Variants in METTL25 observed in about 807,000 individuals in gnomAD.
METTL25 encodes the protein methyltransferase like 25.
Under a neutral mutation model 71.6 loss-of-function variants are expected in METTL25, and 64 were observed. The observed-to-expected ratio is 0.89, with a 90% CI of 0.73 to 1.10. The LOEUF is 1.10. Among genes scored for constraint, METTL25 ranks in the 50% least tolerant of loss-of-function variants. The probability of loss-of-function intolerance (pLI) is 0.00; values close to 1 mark genes in which losing one functional copy is unlikely to be tolerated. For missense variants in METTL25, 807 were observed against 707.0 expected (o/e 1.14, Z -1.60); for synonymous variants, 287 against 250.3 (o/e 1.15, Z -1.38).
chr12:82,406,341 C>T (rs181617436), intron 5 of METTL25, among the ~76,000 whole-genome samples: 176 of 151,924 alleles, frequency 1.2e-3, no homozygotes, highest in Admixed American at 3.0e-3. Context: ...AGTAAGTCCC[C>T]GTACCTATAT....
intron 5 of METTL25, among the ~76,000 whole-genome samples, chr12:82,428,086 GA>G (rs1265821863): frequency 6.6e-6 from 1 of 151,920 alleles, no homozygotes; most frequent in African/African-American, 2.4e-5. Flanking sequence ...ATTCCAGACA[GA>G]AAAGAAATTA....
intron 5 of METTL25, among the ~76,000 whole-genome samples, chr12:82,412,574 A>G (rs1887634348): frequency 6.6e-6 from 1 of 152,100 alleles, no homozygotes; most frequent in South Asian, 2.1e-4. Flanking sequence ...TTTCACCTAC[A>G]GTTTGTAAAA....
At chr12:82,369,480 C>T (rs780987434) in intron 1 of METTL25, 24 of 449,608 alleles carry the variant, frequency 5.3e-5, no homozygotes, top group Non-Finnish European at 4.4e-6. Flanking sequence ...GAGTTTCTTC[C>T]TTCAGATGTG....
In METTL25 at chr12:82,403,038, G is replaced by T; in HGVS notation, c.1187G>T (p.Arg396Leu). ...TCGDLAPNTL[R>L]IFTSNSEIKG... Reference sequence around the variant, plus strand: ...GGTGATCTGGCTCCAAATACTTTGCGAATATTTACCTCCAACTCTGAAATC... The same window carrying T: ...GGTGATCTGGCTCCAAATACTTTGCTAATATTTACCTCCAACTCTGAAATC... Residue 396 changes from arginine (R) to leucine (L), a missense_variant, in exon 5 of 12, where the codon CGA becomes CTA. Arg to Leu is a moderately radical substitution (Grantham distance 102). Coordinates refer to ENST00000248306, the MANE Select transcript of METTL25 (RefSeq NM_032230.3). 1 of 1,613,126 alleles carries T rather than the reference G, an allele frequency of 6.2e-7. No homozygotes were observed. The highest frequency in any genetic ancestry group is 8.5e-7 in the Non-Finnish European group (1 of 1,179,342).
intron 1 of METTL25, among the ~76,000 whole-genome samples, chr12:82,374,777 T>C (rs1323787546): frequency 6.6e-6 from 1 of 152,244 alleles, no homozygotes; most frequent in African/African-American, 2.4e-5. Flanking sequence ...GAGCAAAGTA[T>C]TAATATATTT....
chr12:82,412,990 GA>G (rs1887672195), intron 5 of METTL25, among the ~76,000 whole-genome samples: 1 of 151,810 alleles, frequency 6.6e-6, no homozygotes, highest in South Asian at 2.1e-4. Flanking sequence ...CAAATTATGT[GA>G]TTGATTATGC....
intron 5 of METTL25, among the ~76,000 whole-genome samples, chr12:82,425,758 AGTATAATTAAGAGGAT>A (rs1195297736): frequency 6.6e-6 from 1 of 152,126 alleles, no homozygotes; most frequent in Non-Finnish European, 1.5e-5. Flanking sequence ...ATGAACAGGA[AGTATAATTAAGAGGAT>A]GTATGTATAA....
At chr12:82,388,318 T>C (rs1460226135) in intron 2 of METTL25, among the ~76,000 whole-genome samples, 1 of 152,114 alleles carries the variant, frequency 6.6e-6, no homozygotes, top group African/African-American at 2.4e-5. Flanking sequence ...ATTTTAATTT[T>C]TTAAATCTCT....
chr12:82,432,641 C>G (rs527970291), intron 6 of METTL25, among the ~76,000 whole-genome samples: 1 of 151,482 alleles, frequency 6.6e-6, no homozygotes. Flanking sequence ...ATAGAATTAG[C>G]AGACCATGCT....
At chr12:82,451,607 T>A (rs1891153034) in intron 8 of METTL25, among the ~76,000 whole-genome samples, 1 of 152,180 alleles carries the variant, frequency 6.6e-6, no homozygotes, top group Non-Finnish European at 1.5e-5. Flanking sequence ...ACAATCTTTC[T>A]TCTCCGAACT....
intron 1 of METTL25, among the ~76,000 whole-genome samples, chr12:82,383,579 A>T (rs1884663592): frequency 6.6e-6 from 1 of 152,182 alleles, no homozygotes; most frequent in Admixed American, 6.5e-5. Context: ...AGTGCCTGGC[A>T]CATAGTATAC....
rs778731140 is a variant in METTL25, at chr12:82,438,831, T to C, written c.1478+40T>C. 7 of 1,468,814 alleles carry C rather than the reference T, an allele frequency of 4.8e-6. No individual in the cohort carries two copies. The South Asian group carries it at 6.9e-5, about 14-fold the overall frequency. The allele number at this position is 1,468,814 out of a possible 1,614,324, so 91.0% of individuals were successfully genotyped here. On this transcript the variant is annotated intron_variant, in intron 8 of 11. Transcript: ENST00000248306. ...TTTTAATAAGAATAACTATGTTATA[T>C]TGTAAGTAAAGTGACTTTTAGTCTT...
intron 5 of METTL25, among the ~76,000 whole-genome samples, chr12:82,423,764 A>G (rs1888733018): frequency 1.3e-5 from 2 of 152,234 alleles, no homozygotes; most frequent in African/African-American, 2.4e-5. Context: ...ACATTTATGC[A>G]GCCAACAGGC....
At chr12:82,467,597 A>C (rs937230719) in intron 9 of METTL25, among the ~76,000 whole-genome samples, 1 of 152,020 alleles carries the variant, frequency 6.6e-6, no homozygotes, top group Non-Finnish European at 1.5e-5. Context: ...CAATGTTTTG[A>C]ATATATCATG....
chr12:82,426,899 T>TA (rs1174137461), intron 5 of METTL25, among the ~76,000 whole-genome samples: 1 of 151,968 alleles, frequency 6.6e-6, no homozygotes, highest in African/African-American at 2.4e-5. Context: ...CCACAACACT[T>TA]ACAGCTTCAC....
chr12:82,476,534 C>T (rs1266403181), intron 9 of METTL25, 110 bp from the exon 10 acceptor site: 3 of 727,842 alleles, frequency 4.1e-6, no homozygotes, highest in African/African-American at 3.6e-5. Flanking sequence ...TCTTCAGACA[C>T]CTAAGGTTGT....
At chr12:82,436,194 A>G (rs1169012848) in intron 7 of METTL25, among the ~76,000 whole-genome samples, 1 of 151,470 alleles carries the variant, frequency 6.6e-6, no homozygotes, top group African/African-American at 2.4e-5. Context: ...CTGCATGAGA[A>G]TGATATAGAG....
At chr12:82,386,684 A>C (rs2136944073) in intron 1 of METTL25, 119 bp from the exon 2 acceptor site, 1 of 840,392 alleles carries the variant, frequency 1.2e-6, no homozygotes, top group East Asian at 2.6e-5. Context: ...CAAAATTCAC[A>C]ACAAAATGAA....
intron 8 of METTL25, among the ~76,000 whole-genome samples, chr12:82,455,806 G>T (rs1027403479): frequency 6.6e-6 from 1 of 151,888 alleles, no homozygotes; most frequent in East Asian, 1.9e-4. Flanking sequence ...AATGGGAGAG[G>T]TATTGAAAGC....
Sources: gnomAD v4.1 joint callset for allele counts (sites outside exome capture counted in the v4.1 genomes callset) on GRCh38, gnomAD v4.1.1 for gene constraint, MANE v1.5 for transcripts, NCBI Gene and HGNC (gene_info 2026-07-23, HGNC 2026-07-21) for gene names.